The following DHRSX variants were observed in gnomAD, a reference collection of about 807,000 sequenced individuals.
DHRSX encodes the protein dehydrogenase/reductase X-linked, also known as polyprenol dehydrogenase.
In DHRSX, 31 loss-of-function variants were observed where a neutral mutation model predicts 34.0. That is an observed-to-expected ratio of 0.91 (90% confidence interval 0.69 to 1.23). The LOEUF (loss-of-function observed/expected upper bound fraction) is 1.23. Ranked by LOEUF, DHRSX falls within the 50% of genes most tolerant of loss-of-function variation. The pLI is 0.00. For missense variants in DHRSX, 414 were observed against 428.1 expected, an observed-to-expected ratio of 0.97 and a Z score of 0.29; for synonymous variants, 201 against 183.8, an observed-to-expected ratio of 1.09 and a Z score of -0.76.
In DHRSX at chrX:2,488,958, G is replaced by A. The variant is rs139808300; in HGVS notation, c.109+11859C>T. 45 of 1,596,636 alleles carry A rather than the reference G, an allele frequency of 2.8e-5. No homozygotes were observed. In the African/African-American group the frequency reaches 5.2e-4, roughly 18 times the overall value. ...GCCAGGCGGTCTGACCACCACTTGAGGGGGTCTTCGTTGAGGCCAAGCACC... is the reference window on the plus strand; with the variant it reads ...GCCAGGCGGTCTGACCACCACTTGAAGGGGTCTTCGTTGAGGCCAAGCACC... On this transcript the variant is annotated intron_variant, in intron 1 of 6. Transcript: ENST00000334651.
chrX:2,266,341 G>A lies in DHRSX; in HGVS notation c.596+399C>T, dbSNP rs757075318. On this transcript the variant is annotated intron_variant, in intron 5 of 6. Transcript: ENST00000334651. ...ATGCTCGGCAGACACAGGGAGCACT[G>A]TCCCCAGAGCACCAGTGCTCGGCAG... Among the ~76,000 whole-genome samples the A allele has an allele frequency of 5.6e-3, 806 of 144,710 alleles. 22 individuals are homozygous for A. Among genetic ancestry groups the A allele is most frequent in the African/African-American group, 0.02 (757 of 37,930 alleles). 94.9% of individuals were successfully genotyped at this position (144,710 alleles called of 152,430 possible).
intron 5 of DHRSX, among the ~76,000 whole-genome samples, chrX:2,255,697 G>A (rs2041267236): frequency 6.6e-6 from 1 of 151,872 alleles, no homozygotes; most frequent in Admixed American, 6.6e-5. Context: ...GATCATTCGA[G>A]GTCAGGAGTT....
At chrX:2,346,213 T>C (rs2042708804) in intron 3 of DHRSX, among the ~76,000 whole-genome samples, 2 of 149,706 alleles carry the variant, frequency 1.3e-5, no homozygotes, top group Admixed American at 6.8e-5. Context: ...TCTCACTCCA[T>C]GGCATCTGGA....
chrX:2,377,648 G>A (rs1000657013), intron 3 of DHRSX, among the ~76,000 whole-genome samples: 31 of 152,228 alleles, frequency 2.0e-4, no homozygotes, highest in Admixed American at 4.6e-4. Flanking sequence ...AAGAGATAGC[G>A]GAGGATCCTC....
chrX:2,475,405 C>T (rs1253479105), intron 1 of DHRSX, among the ~76,000 whole-genome samples: 2 of 143,880 alleles, frequency 1.4e-5, no homozygotes, highest in African/African-American at 2.7e-5. Flanking sequence ...ACCAAGGGAC[C>T]GCCACCATGT....
intron 5 of DHRSX, among the ~76,000 whole-genome samples, chrX:2,266,485 A>T (rs1349138541): frequency 6.6e-6 from 1 of 151,104 alleles, no homozygotes; most frequent in African/African-American, 2.4e-5. Flanking sequence ...AGTGCTCGGC[A>T]GACGCAGGGA....
At chrX:2,270,774 G>A (rs2041540433) in intron 4 of DHRSX, among the ~76,000 whole-genome samples, 2 of 152,190 alleles carry the variant, frequency 1.3e-5, no homozygotes, top group South Asian at 4.1e-4. Context: ...TGGAGACCCG[G>A]AGACCTTTTG....
At chrX:2,422,126 A>G (rs899745285) in intron 2 of DHRSX, among the ~76,000 whole-genome samples, 12 of 152,240 alleles carry the variant, frequency 7.9e-5, no homozygotes, top group African/African-American at 2.4e-4. Flanking sequence ...ATAAGGAAGA[A>G]CTGAGACAAA....
At chrX:2,221,343 C>G in intron 6 of DHRSX, 114 bp from the exon 7 acceptor site, 1 of 1,089,572 alleles carries the variant, frequency 9.2e-7, no homozygotes, top group Non-Finnish European at 1.3e-6. Context: ...ATCAGCTGCA[C>G]TGAGAAATGT....
intron 3 of DHRSX, among the ~76,000 whole-genome samples, chrX:2,402,970 C>T (rs1451473269): frequency 6.6e-6 from 1 of 150,946 alleles, no homozygotes; most frequent in Non-Finnish European, 1.5e-5. Context: ...GCAACCTCCG[C>T]CTCCCAGATT....
intron 4 of DHRSX, among the ~76,000 whole-genome samples, chrX:2,276,788 G>GA (rs2041663767): frequency 6.7e-6 from 1 of 148,238 alleles, no homozygotes; most frequent in Non-Finnish European, 1.5e-5. Flanking sequence ...GAGAAGGAGA[G>GA]GGAGGAAATA....
chrX:2,301,136 G>A (rs1183257726), intron 3 of DHRSX, among the ~76,000 whole-genome samples: 2 of 152,228 alleles, frequency 1.3e-5, no homozygotes, highest in South Asian at 2.1e-4. Flanking sequence ...AAAGCAGGCC[G>A]GGCGCAGTGG....
chrX:2,304,293 G>GGATGGA (rs1569485939), intron 3 of DHRSX, among the ~76,000 whole-genome samples: 2 of 94,844 alleles, frequency 2.1e-5, no homozygotes, highest in Admixed American at 1.1e-4. Context: ...GGGTGGGTGG[G>GGATGGA]TGGATGGATG....
At chrX:2,240,616 C>T (rs1185338307) in intron 6 of DHRSX, among the ~76,000 whole-genome samples, 6 of 151,770 alleles carry the variant, frequency 4.0e-5, no homozygotes, top group Non-Finnish European at 7.4e-5. Flanking sequence ...AAGCAGTAGA[C>T]GCCCAAGGAA....
intron 3 of DHRSX, among the ~76,000 whole-genome samples, chrX:2,366,917 C>T (rs746889241): frequency 4.3e-4 from 65 of 152,112 alleles, no homozygotes; most frequent in African/African-American, 1.5e-3. Context: ...ACAATATTCT[C>T]ACTCCTTTGC....
At chrX:2,425,007 G>A (rs2043824322) in intron 2 of DHRSX, among the ~76,000 whole-genome samples, 190 bp downstream of exon 2, 1 of 151,978 alleles carries the variant, frequency 6.6e-6, no homozygotes, top group Non-Finnish European at 1.5e-5. Context: ...AGGCGTGGTG[G>A]TGCATGTCTG....
At chrX:2,401,179 G>C (rs1310780274) in intron 3 of DHRSX, among the ~76,000 whole-genome samples, 3 of 149,288 alleles carry the variant, frequency 2.0e-5, no homozygotes, top group East Asian at 2.0e-4. Context: ...GCATGATCTC[G>C]GCTCACCGCA....
At chrX:2,485,373 G>T (rs2044862634) in intron 1 of DHRSX, among the ~76,000 whole-genome samples, 1 of 151,622 alleles carries the variant, frequency 6.6e-6, no homozygotes. Context: ...GATGCCCAAG[G>T]ACAGGCAGTC....
chrX:2,229,202 GTGGC>G (rs2015807403), intron 6 of DHRSX, among the ~76,000 whole-genome samples: 1 of 152,186 alleles, frequency 6.6e-6, no homozygotes, highest in Non-Finnish European at 1.5e-5. Context: ...ACTCAGGGAA[GTGGC>G]TGGCAAGTAA....
Sources: allele counts gnomAD v4.1 joint callset (sites outside exome capture counted in the v4.1 genomes callset), GRCh38; gene constraint gnomAD v4.1.1; transcripts MANE v1.5; gene names NCBI Gene and HGNC (gene_info 2026-07-23, HGNC 2026-07-21).